The following AHCYL2 variants were observed in gnomAD, a reference collection of about 807,000 sequenced individuals.
AHCYL2 encodes S-adenosylhomocysteine hydrolase-like protein 2.
Under a neutral mutation model 81.4 loss-of-function variants are expected in AHCYL2, and 28 were observed. The ratio of observed to expected loss-of-function variants is 0.34; its 90% confidence interval spans 0.25 to 0.47. AHCYL2 has a LOEUF of 0.47. AHCYL2 is among the 20% of genes least tolerant of loss of function. AHCYL2 has a pLI of 1.00. For synonymous variants in AHCYL2, 272 were observed against 290.2 expected, an observed-to-expected ratio of 0.94 and a Z score of 0.64; for missense variants, 551 against 785.1, an observed-to-expected ratio of 0.70 and a Z score of 3.56.
chr7:129,390,106 A>G (rs781510173), intron 4 of AHCYL2, among the ~76,000 whole-genome samples: 2 of 152,204 alleles, frequency 1.3e-5, no homozygotes, highest in African/African-American at 4.8e-5. Context: ...ATATATACCT[A>G]TAATCAAGTT....
intron 12 of AHCYL2, among the ~76,000 whole-genome samples, chr7:129,415,550 C>T (rs749865212): frequency 1.8e-4 from 27 of 151,674 alleles, no homozygotes; most frequent in Non-Finnish European, 3.5e-4. Flanking sequence ...AGGCCAGGCA[C>T]GGTGGCTCAC....
intron 1 of AHCYL2, among the ~76,000 whole-genome samples, chr7:129,251,057 A>C (rs902178894): frequency 1.3e-5 from 2 of 152,224 alleles, no homozygotes; most frequent in Non-Finnish European, 2.9e-5. Context: ...GTTTTCTCTT[A>C]AAGTGAAATG....
chr7:129,267,036 T>C (rs1214418080), intron 1 of AHCYL2, among the ~76,000 whole-genome samples: 4 of 152,102 alleles, frequency 2.6e-5, no homozygotes, highest in Non-Finnish European at 2.9e-5. Flanking sequence ...AGCATAATAC[T>C]AAGCAGCCAT....
At chr7:129,278,643 AT>A (rs1432091593) in intron 1 of AHCYL2, among the ~76,000 whole-genome samples, 6 of 152,052 alleles carry the variant, frequency 3.9e-5, no homozygotes, top group African/African-American at 1.4e-4. Flanking sequence ...CCAACCCAAG[AT>A]TAGAAGAGCT....
At chr7:129,374,044 A>T (rs1415275578) in intron 1 of AHCYL2, among the ~76,000 whole-genome samples, 2 of 152,184 alleles carry the variant, frequency 1.3e-5, no homozygotes, top group African/African-American at 4.8e-5. Context: ...TTGTGACTTG[A>T]TCAGGGCCCC....
intron 1 of AHCYL2, among the ~76,000 whole-genome samples, chr7:129,350,995 C>T (rs898983443): frequency 6.6e-6 from 1 of 152,118 alleles, no homozygotes; most frequent in Non-Finnish European, 1.5e-5. Flanking sequence ...TGAGCCACCG[C>T]GCCCGGCCCC....
At chr7:129,259,859 C>T (rs568836720) in intron 1 of AHCYL2, among the ~76,000 whole-genome samples, 1 of 152,230 alleles carries the variant, frequency 6.6e-6, no homozygotes, top group East Asian at 1.9e-4. Context: ...GGCAGATCAT[C>T]TGAGGTCAGG....
chr7:129,373,131 T>C (rs1023779297), intron 1 of AHCYL2, among the ~76,000 whole-genome samples: 5 of 151,992 alleles, frequency 3.3e-5, no homozygotes, highest in African/African-American at 1.2e-4. Context: ...AAATACAAAA[T>C]CTTGGGCCCT....
chr7:129,310,707 G>A (rs1464390902), intron 1 of AHCYL2, among the ~76,000 whole-genome samples: 1 of 152,160 alleles, frequency 6.6e-6, no homozygotes, highest in African/African-American at 2.4e-5. Context: ...AGCAAAACAA[G>A]CTGGGGTAGA....
At chr7:129,309,382 T>C (rs1265263623) in intron 1 of AHCYL2, among the ~76,000 whole-genome samples, 2 of 151,878 alleles carry the variant, frequency 1.3e-5, no homozygotes, top group African/African-American at 4.8e-5. Flanking sequence ...CTACAAAAAG[T>C]TTAAAAATTA....
At chr7:129,276,515 C>T (rs1468679062) in intron 1 of AHCYL2, among the ~76,000 whole-genome samples, 1 of 151,328 alleles carries the variant, frequency 6.6e-6, no homozygotes. Context: ...CTTTGGGAGG[C>T]TGAGGCAGGT....
intron 1 of AHCYL2, among the ~76,000 whole-genome samples, chr7:129,298,404 A>G (rs745475961): frequency 4.6e-5 from 7 of 152,222 alleles, no homozygotes; most frequent in Non-Finnish European, 1.0e-4. Context: ...TTCCGTTACA[A>G]CTGGTATCAA....
intron 1 of AHCYL2, among the ~76,000 whole-genome samples, chr7:129,330,929 C>T (rs186451109): frequency 9.0e-4 from 137 of 152,244 alleles, no homozygotes; most frequent in African/African-American, 3.1e-3. Flanking sequence ...AACTTCTATA[C>T]CTTAGGCTTG....
At chr7:129,357,964 A>C (rs1047835722) in intron 1 of AHCYL2, among the ~76,000 whole-genome samples, 1 of 151,786 alleles carries the variant, frequency 6.6e-6, no homozygotes, top group Non-Finnish European at 1.5e-5. Flanking sequence ...TGGGGCCTCA[A>C]ATAGATATTT....
chr7:129,384,414 C>G (rs1311533045), intron 2 of AHCYL2, among the ~76,000 whole-genome samples: 1 of 150,002 alleles, frequency 6.7e-6, no homozygotes, highest in African/African-American at 2.4e-5. Context: ...TTACATTGCT[C>G]TATTCCCAGC....
intron 13 of AHCYL2, 25 bp downstream of exon 13, chr7:129,422,963 C>T: frequency 2.5e-6 from 4 of 1,605,286 alleles, no homozygotes; most frequent in Middle Eastern, 1.7e-4. Context: ...GGCAAAAATA[C>T]TCCCCCACAA....
chr7:129,270,974 C>T (rs981117112), intron 1 of AHCYL2, among the ~76,000 whole-genome samples: 1 of 152,164 alleles, frequency 6.6e-6, no homozygotes, highest in Non-Finnish European at 1.5e-5. Flanking sequence ...CTGCAACAGT[C>T]CTACGGCATC....
intron 1 of AHCYL2, among the ~76,000 whole-genome samples, chr7:129,349,633 C>T (rs1406892505): frequency 1.0e-5 from 1 of 95,528 alleles, no homozygotes; most frequent in Non-Finnish European, 1.9e-5. Flanking sequence ...GCCTGGGCAA[C>T]AATGCAAGAC....
At chr7:129,263,772 A>G (rs986820352) in intron 1 of AHCYL2, among the ~76,000 whole-genome samples, 12 of 152,242 alleles carry the variant, frequency 7.9e-5, no homozygotes, top group African/African-American at 2.9e-4. Flanking sequence ...GAGTAAAAGC[A>G]GGAAGAACAG....
Sources: allele counts gnomAD v4.1 joint callset (sites outside exome capture counted in the v4.1 genomes callset), GRCh38; gene constraint gnomAD v4.1.1; transcripts MANE v1.5; gene names NCBI Gene and HGNC (gene_info 2026-07-23, HGNC 2026-07-21).